Variants in CCDC178 observed in about 807,000 individuals in gnomAD.
CCDC178 encodes the protein coiled-coil domain-containing protein 178.
Under a neutral mutation model 117.4 loss-of-function variants are expected in CCDC178, and 126 were observed. The observed-to-expected ratio is 1.07, with a 90% CI of 0.93 to 1.24. CCDC178 has a LOEUF of 1.24. CCDC178 is among the 50% of genes most tolerant of loss of function. CCDC178 has a pLI of 0.00. For synonymous variants in CCDC178, 283 were observed against 313.4 expected, an observed-to-expected ratio of 0.90 and a Z score of 1.02; for missense variants, 1,030 against 986.9, an observed-to-expected ratio of 1.04 and a Z score of -0.59.
At chr18:33,383,125 T>C (rs1287690250) in intron 5 of CCDC178, among the ~76,000 whole-genome samples, 1 of 152,150 alleles carries the variant, frequency 6.6e-6, no homozygotes, top group Non-Finnish European at 1.5e-5. Flanking sequence ...AAAGCAGCTG[T>C]GGCCAGACTG....
intron 15 of CCDC178, among the ~76,000 whole-genome samples, chr18:33,234,687 T>C (rs2059407536): frequency 6.6e-6 from 1 of 152,108 alleles, no homozygotes; most frequent in South Asian, 2.1e-4. Context: ...CTAACTCCCT[T>C]ATTAATTTGA....
chr18:33,148,922 A>G (rs1446507183), intron 20 of CCDC178, among the ~76,000 whole-genome samples: 1 of 152,034 alleles, frequency 6.6e-6, no homozygotes, highest in African/African-American at 2.4e-5. Flanking sequence ...CCTCACCCCA[A>G]CCCCTGCATG....
intron 22 of CCDC178, among the ~76,000 whole-genome samples, chr18:32,945,747 T>C (rs961128396): frequency 6.6e-6 from 1 of 152,118 alleles, no homozygotes; most frequent in African/African-American, 2.4e-5. Flanking sequence ...AGATCTCGTA[T>C]TGCTGATGTT....
intron 5 of CCDC178, among the ~76,000 whole-genome samples, chr18:33,373,643 T>C (rs1047503364): frequency 9.2e-5 from 14 of 152,174 alleles, no homozygotes; most frequent in African/African-American, 3.4e-4. Context: ...CATTTCTCTT[T>C]ATAAGAATGG....
At chr18:33,177,634 G>A (rs1023458335) in intron 20 of CCDC178, among the ~76,000 whole-genome samples, 2 of 152,024 alleles carry the variant, frequency 1.3e-5, no homozygotes, top group African/African-American at 2.4e-5. Context: ...TATTTCTGTC[G>A]ACTAATTTCC....
rs572524986 is a variant in CCDC178, at chr18:32,963,737, C to T, written c.2523+10810G>A. On this transcript the variant is annotated intron_variant, in intron 22 of 22. Transcript: ENST00000383096. ...TGAGCTAAGTGCTCTTCTTACTGCCCTCATTTGTATTTACACAATATATTG... is the reference window on the plus strand; with the variant it reads ...TGAGCTAAGTGCTCTTCTTACTGCCTTCATTTGTATTTACACAATATATTG... Among the ~76,000 whole-genome samples the T allele has an allele frequency of 2.6e-5, 4 of 152,052 alleles. No homozygotes were observed. In the South Asian group the frequency reaches 8.3e-4, roughly 32 times the overall value.
At chr18:33,075,040 G>A (rs1211079115) in intron 21 of CCDC178, among the ~76,000 whole-genome samples, 1 of 152,152 alleles carries the variant, frequency 6.6e-6, no homozygotes, top group Non-Finnish European at 1.5e-5. Context: ...GGAATCCAGA[G>A]CACAAATGAA....
At chr18:33,282,653 T>A (rs1304771594) in intron 12 of CCDC178, among the ~76,000 whole-genome samples, 2 of 152,164 alleles carry the variant, frequency 1.3e-5, no homozygotes, top group Admixed American at 6.5e-5. Flanking sequence ...ATACTTCAGC[T>A]TTCCCTGGGC....
intron 15 of CCDC178, among the ~76,000 whole-genome samples, chr18:33,241,429 CGTGTGTGT>C (rs60878431): frequency 0.038 from 5,527 of 144,092 alleles, 107 homozygotes; most frequent in Admixed American, 0.063. Flanking sequence ...ATTATATGAT[CGTGTGTGT>C]GTGTGTGTGT....
intron 21 of CCDC178, among the ~76,000 whole-genome samples, chr18:33,019,495 T>C (rs2056066640): frequency 6.6e-6 from 1 of 152,224 alleles, no homozygotes; most frequent in Admixed American, 6.5e-5. Context: ...AATCAACCTG[T>C]ACACTTGGTT....
intron 10 of CCDC178, among the ~76,000 whole-genome samples, chr18:33,324,221 A>C (rs978493438): frequency 3.3e-5 from 5 of 151,846 alleles, no homozygotes; most frequent in Non-Finnish European, 5.9e-5. Flanking sequence ...GTATCACATT[A>C]CTTTTACTTA....
intron 21 of CCDC178, among the ~76,000 whole-genome samples, chr18:33,069,649 G>A (rs1462120577): frequency 6.6e-6 from 1 of 151,918 alleles, no homozygotes; most frequent in Non-Finnish European, 1.5e-5. Flanking sequence ...AAAAGTACAG[G>A]CAACAAAAAC....
intron 15 of CCDC178, among the ~76,000 whole-genome samples, chr18:33,228,306 A>G (rs1361617288): frequency 6.6e-6 from 1 of 152,164 alleles, no homozygotes; most frequent in Admixed American, 6.5e-5. Flanking sequence ...TCATCCATTC[A>G]TTCTTTGAAG....
intron 5 of CCDC178, among the ~76,000 whole-genome samples, chr18:33,376,433 G>C (rs2063367638): frequency 6.6e-6 from 1 of 152,048 alleles, no homozygotes; most frequent in Non-Finnish European, 1.5e-5. Context: ...TTGGATTCTT[G>C]TTTTCCTTTT....
intron 21 of CCDC178, among the ~76,000 whole-genome samples, chr18:33,028,136 T>A (rs914407100): frequency 1.3e-5 from 2 of 151,424 alleles, no homozygotes; most frequent in Admixed American, 6.6e-5. Context: ...AGGAAGGAAA[T>A]AATAAAGCTC....
At chr18:33,176,203 A>G (rs2058663207) in intron 20 of CCDC178, among the ~76,000 whole-genome samples, 1 of 152,114 alleles carries the variant, frequency 6.6e-6, no homozygotes, top group African/African-American at 2.4e-5. Flanking sequence ...TACACCTTAA[A>G]TAGTGAAATT....
intron 15 of CCDC178, among the ~76,000 whole-genome samples, chr18:33,229,660 T>C (rs2059348207): frequency 2.0e-5 from 3 of 152,170 alleles, no homozygotes; most frequent in Admixed American, 2.0e-4. Context: ...CCCAGATATG[T>C]AGGAACCCTC....
chr18:33,353,488 C>T (rs2063006741), intron 7 of CCDC178, among the ~76,000 whole-genome samples: 1 of 151,940 alleles, frequency 6.6e-6, no homozygotes, highest in African/African-American at 2.4e-5. Flanking sequence ...CCATAACTGC[C>T]TTATTTGTAA....
At chr18:33,089,954 C>T (rs1391366528) in intron 21 of CCDC178, among the ~76,000 whole-genome samples, 1 of 152,144 alleles carries the variant, frequency 6.6e-6, no homozygotes, top group African/African-American at 2.4e-5. Context: ...TATTTTCTAT[C>T]ATTACCCATG....
Sources: allele counts gnomAD v4.1 joint callset (sites outside exome capture counted in the v4.1 genomes callset), GRCh38; gene constraint gnomAD v4.1.1; transcripts MANE v1.5; gene names NCBI Gene and HGNC (gene_info 2026-07-23, HGNC 2026-07-21).